Variants in CCDC77 observed in about 807,000 individuals in gnomAD.
The protein encoded by CCDC77 is coiled-coil domain-containing protein 77.
A neutral mutation model predicts 66.8 loss-of-function variants in CCDC77; 56 were observed. The ratio of observed to expected loss-of-function variants is 0.84; its 90% CI spans 0.68 to 1.05. The LOEUF (loss-of-function observed/expected upper bound fraction) is 1.05. Among genes scored for constraint, CCDC77 ranks in the 50% least tolerant of loss-of-function variants. The probability of loss-of-function intolerance (pLI) is 0.00; values close to 1 mark genes in which losing one functional copy is unlikely to be tolerated. For synonymous variants in CCDC77, 196 were observed against 195.2 expected (o/e 1.00, Z -0.03); for missense variants, 570 against 576.8 (o/e 0.99, Z 0.12).
At position 418,654 on chromosome 12, in the gene CCDC77, G is replaced by T. The variant is rs748016573; in HGVS notation, c.413+18G>T. 2 of 1,605,164 alleles carry T rather than the reference G, an allele frequency of 1.2e-6. No homozygotes were observed. The highest frequency in any genetic ancestry group is 2.7e-5 in the African/African-American group (2 of 74,540). ...AGAATCAGGTACCAAATAGGAGAAG[G>T]GAAATGTTGGAGTTTAACTTTAAAT... On this transcript the variant is annotated intron_variant, in intron 5 of 12. Coordinates refer to ENST00000239830, the MANE Select transcript of CCDC77 (RefSeq NM_032358.4).
intron 4 of CCDC77, among the ~76,000 whole-genome samples, chr12:416,361 GTGTGTGTGTGTGTGTGTATATATATA>G: frequency 2.6e-5 from 1 of 37,740 alleles, no homozygotes; most frequent in Middle Eastern, 0.017. Flanking sequence ...GTGTGTGTGT[GTGTGTGTGTGTGTGTGTATATATATA>G]TATATATATA....
intron 5 of CCDC77, among the ~76,000 whole-genome samples, chr12:424,007 C>G (rs1218336396): frequency 3.9e-5 from 6 of 152,126 alleles, no homozygotes; most frequent in Non-Finnish European, 7.4e-5. Flanking sequence ...GAGACAGGGT[C>G]TTGCTCTGTC....
intron 10 of CCDC77, 88 bp from the exon 11 acceptor site, chr12:440,529 C>CT: frequency 6.7e-7 from 1 of 1,482,308 alleles, no homozygotes; most frequent in Non-Finnish European, 9.2e-7. Flanking sequence ...GAAATCCCTT[C>CT]TTTTCTTTCT....
intron 10 of CCDC77, chr12:438,757 A>C: frequency 2.0e-6 from 1 of 505,798 alleles, no homozygotes; most frequent in East Asian, 3.6e-5. Flanking sequence ...TCATTCATTC[A>C]TTCATTCAAC....
intron 5 of CCDC77, among the ~76,000 whole-genome samples, chr12:427,932 G>C (rs1450717462): frequency 6.6e-6 from 1 of 152,134 alleles, no homozygotes; most frequent in Admixed American, 6.6e-5. Flanking sequence ...AGCAGGCCTC[G>C]TCCAACACGA....
chr12:416,481 C>T (rs1444461278), intron 4 of CCDC77, among the ~76,000 whole-genome samples: 12 of 142,160 alleles, frequency 8.4e-5, no homozygotes, highest in African/African-American at 3.1e-4. Flanking sequence ...GTGGTGCCAT[C>T]TCAGCTCCCT....
upstream of CCDC77, among the ~76,000 whole-genome samples, chr12:399,065 T>G (rs1196788271): frequency 6.6e-6 from 1 of 152,170 alleles, no homozygotes; most frequent in Non-Finnish European, 1.5e-5. Flanking sequence ...TCACAAATGA[T>G]CTTAAGGACA....
intron 1 of CCDC77, among the ~76,000 whole-genome samples, chr12:394,790 G>C (rs1944805286): frequency 6.6e-6 from 1 of 152,150 alleles, no homozygotes; most frequent in Non-Finnish European, 1.5e-5. Context: ...CAATCTAATG[G>C]GGGGAGGCAG....
At chr12:395,691 C>T (rs1441827887) in intron 1 of CCDC77, among the ~76,000 whole-genome samples, 8 of 152,058 alleles carry the variant, frequency 5.3e-5, no homozygotes, top group Non-Finnish European at 7.4e-5. Flanking sequence ...GTCAGGAGTT[C>T]GACACCAGAG....
chr12:409,471 G>C (rs1408257537), intron 3 of CCDC77, 50 bp downstream of exon 3: 1 of 1,506,598 alleles, frequency 6.6e-7, no homozygotes, highest in Admixed American at 1.7e-5. Context: ...GACTTGTATA[G>C]CCTTAGTCTA....
At chr12:407,108 C>CT (rs1188562046) in intron 2 of CCDC77, among the ~76,000 whole-genome samples, 1 of 152,124 alleles carries the variant, frequency 6.6e-6, no homozygotes, top group African/African-American at 2.4e-5. Context: ...GAGTTTGAGA[C>CT]AAGCCTAGGC....
At chr12:440,581 C>A in intron 10 of CCDC77, 36 bp from the exon 11 acceptor site, 1 of 1,609,908 alleles carries the variant, frequency 6.2e-7, no homozygotes, top group African/African-American at 1.3e-5. Flanking sequence ...AATTGTAGAA[C>A]TGAGTGTTAA....
chr12:428,860 C>T lies in CCDC77; in HGVS notation c.505C>T (p.His169Tyr). 1 of 1,599,028 alleles carries T rather than the reference C, an allele frequency of 6.3e-7. No individual in the cohort carries two copies. The highest frequency in any genetic ancestry group is 8.6e-7 in the Non-Finnish European group (1 of 1,167,362). Residue 169 changes from histidine (H) to tyrosine (Y), a missense_variant, in exon 6 of 13, where the codon CAC (histidine) becomes TAC (tyrosine). Physicochemically the swap from His to Tyr is moderately conservative, Grantham distance 83 (BLOSUM62 2). Coordinates refer to ENST00000239830, the MANE Select transcript of CCDC77 (RefSeq NM_032358.4). ...EVTYFCKEPPHKVTILQKTIQ... is the reference protein window; with the variant it reads ...EVTYFCKEPPYKVTILQKTIQ... ...GACCTATTTTTGTAAGGAGCCTCCT[C>T]ACAAAGTAAGTAATCTTTGGTGTAG...
intron 8 of CCDC77, among the ~76,000 whole-genome samples, chr12:432,834 C>G (rs889537272): frequency 6.6e-6 from 1 of 152,118 alleles, no homozygotes; most frequent in African/African-American, 2.4e-5. Context: ...CCCAAAAGTT[C>G]GAGACCAGCC....
At chr12:399,194 G>A (rs551084422), upstream of CCDC77, among the ~76,000 whole-genome samples, 8 of 149,184 alleles carry the variant, frequency 5.4e-5, no homozygotes, top group African/African-American at 1.5e-4. Flanking sequence ...TTTTTGAGGC[G>A]GAGTTTCACT....
upstream of CCDC77, among the ~76,000 whole-genome samples, chr12:396,676 C>T (rs1440518318): frequency 6.6e-6 from 1 of 152,050 alleles, no homozygotes; most frequent in Non-Finnish European, 1.5e-5. Context: ...AGTTGGCTCT[C>T]GTAAGAATTT....
At chr12:416,871 G>A (rs981816235) in intron 4 of CCDC77, among the ~76,000 whole-genome samples, 7 of 151,522 alleles carry the variant, frequency 4.6e-5, no homozygotes, top group African/African-American at 1.5e-4. Flanking sequence ...ACTTTGGGAG[G>A]CCGAGGCCGG....
At position 430,729 on chromosome 12, in the gene CCDC77, C is replaced by G. The variant is rs77266019; in HGVS notation, c.576C>G (p.Phe192Leu). The G allele has an allele frequency of 2.9e-4, 470 of 1,611,180 alleles. 1 individual carries two copies. The highest frequency in any genetic ancestry group is 3.6e-4 in the Non-Finnish European group (428 of 1,177,306). Residue 192 changes from phenylalanine to leucine, a missense_variant, in exon 7 of 13, where the codon TTC becomes TTG. Coordinates refer to ENST00000239830, the MANE Select transcript of CCDC77 (RefSeq NM_032358.4). ...GTGAGCAGAGTGAATCTTCAGCTTT[C>G]AAAGCAGGTAACAACCATATAACCT... ...GECEQSESSA[F>L]KADPKISKRR...
Position 416,399 on chromosome 12 carries a change from A to ATG in CCDC77, c.271-2094_271-2093insGT, listed in dbSNP as rs1565569293. On this transcript the variant is annotated intron_variant, in intron 4 of 12. Transcript: ENST00000239830. ...TGTGTATATATATATATATATATAT[A>ATG]TATATATATATATATATTTCTTTTT... 4.0e-3 allele frequency among the ~76,000 whole-genome samples: 214 copies of ATG among 53,886 alleles called. 8 individuals are homozygous for ATG. The highest frequency in any genetic ancestry group is 0.016 in the Middle Eastern group (1 of 62). The allele number at this position is 53,886 out of a possible 152,430, so 35.4% of individuals were successfully genotyped here.
Sources: allele counts gnomAD v4.1 joint callset (sites outside exome capture counted in the v4.1 genomes callset), GRCh38; gene constraint gnomAD v4.1.1; transcripts MANE v1.5; gene names NCBI Gene and HGNC (gene_info 2026-07-23, HGNC 2026-07-21).